ABI1: variants seen among roughly 807,000 people sequenced by gnomAD.
ABI1 encodes abl interactor 1.
Under a neutral mutation model 54.6 loss-of-function variants are expected in ABI1, and 14 were observed. The observed-to-expected ratio is 0.26, with a 90% CI of 0.17 to 0.40. The LOEUF (loss-of-function observed/expected upper bound fraction) is 0.40, where lower values mean the gene tolerates loss of function less well. ABI1 is among the 10% of genes least tolerant of loss of function. The pLI is 1.00. For missense variants in ABI1, 443 were observed against 598.3 expected, an observed-to-expected ratio of 0.74 and a Z score of 2.71; for synonymous variants, 194 against 209.3, an observed-to-expected ratio of 0.93 and a Z score of 0.63.
At chr10:26,857,455 A>G (rs1317893684) in intron 1 of ABI1, among the ~76,000 whole-genome samples, 1 of 151,704 alleles carries the variant, frequency 6.6e-6, no homozygotes, top group East Asian at 1.9e-4. Context: ...AGCCTAGGCA[A>G]CATGGCAAAA....
intron 2 of ABI1, among the ~76,000 whole-genome samples, chr10:26,778,342 A>G (rs545329022): frequency 6.6e-6 from 1 of 152,282 alleles, no homozygotes; most frequent in South Asian, 2.1e-4. Context: ...ACAAATTTAA[A>G]TTGAGTGACA....
At chr10:26,853,234 C>CAA (rs35205764) in intron 1 of ABI1, among the ~76,000 whole-genome samples, 8,222 of 85,264 alleles carry the variant, frequency 0.096, 609 homozygotes, top group East Asian at 0.18. Context: ...GACTCCATCT[C>CAA]AAAAAAAAAA....
intron 8 of ABI1, among the ~76,000 whole-genome samples, chr10:26,756,722 G>A (rs1838364216): frequency 6.6e-6 from 1 of 152,078 alleles, no homozygotes. Context: ...GAAAAAGTCA[G>A]TAGGACTAGA....
intron 1 of ABI1, among the ~76,000 whole-genome samples, chr10:26,840,317 T>C (rs913734703): frequency 7.9e-5 from 12 of 152,216 alleles, no homozygotes; most frequent in African/African-American, 2.9e-4. Context: ...GTCAGCTCCC[T>C]TCCCTTCAGC....
chr10:26,748,558 G>GAA lies in ABI1; in HGVS notation c.*10_*11dup. 2.3e-5 allele frequency: 28 copies of GAA among 1,240,116 alleles called. No homozygotes were observed. The highest frequency in any genetic ancestry group is 6.4e-5 in the Admixed American group (3 of 47,184). The allele number at this position is 1,240,116 out of a possible 1,614,324, so 76.8% of individuals were successfully genotyped here. ...TGAGTAATAAGAATCTACTTCAAAA[G>GAA]AAAAAAAAAAATTAATCAGTATAGT... On this transcript the variant is annotated 3_prime_UTR_variant, in exon 11 of 11. Coordinates refer to ENST00000376140, the MANE Select transcript of ABI1 (RefSeq NM_001012750.3).
chr10:26,794,633 C>T (rs1490106007), intron 2 of ABI1, among the ~76,000 whole-genome samples: 4 of 151,282 alleles, frequency 2.6e-5, no homozygotes, highest in African/African-American at 4.9e-5. Context: ...ATCAACTTCA[C>T]ACAGTTACTG....
chr10:26,818,362 T>G (rs972171116), intron 2 of ABI1, among the ~76,000 whole-genome samples: 2 of 151,526 alleles, frequency 1.3e-5, no homozygotes, highest in African/African-American at 2.4e-5. Context: ...CTCATGTCTG[T>G]AATCCCAGCA....
At chr10:26,772,792 C>G (rs1207019349) in intron 3 of ABI1, among the ~76,000 whole-genome samples, 1 of 151,986 alleles carries the variant, frequency 6.6e-6, no homozygotes, top group Admixed American at 6.6e-5. Context: ...TCATTTCAGG[C>G]TAGGCACGGT....
chr10:26,825,796 G>A (rs2048272249), intron 1 of ABI1, among the ~76,000 whole-genome samples: 1 of 152,216 alleles, frequency 6.6e-6, no homozygotes, highest in African/African-American at 2.4e-5. Context: ...TTCAGCAGGA[G>A]TAGATTCTAT....
Position 26,823,168 on chromosome 10 carries a change from T to G in ABI1, c.255A>C (p.Arg85Ser). The change falls in exon 2 of 11, where the codon AGA becomes AGC. Residue 85 changes from arginine (R) to serine (S), a missense_variant. Physicochemically the swap from Arg to Ser is moderately radical, Grantham distance 110. Transcript: ENST00000376140. ...AGATATGATTGATGGAAGACTCCAT[T>G]CTCCGAAGCTGAGAGGCTTGGATAT... is the stretch of plus-strand genomic sequence containing the variant. ...LLDIQASQLR[R>S]MESSINHISQ... 1 of 1,598,504 alleles carries G rather than the reference T, an allele frequency of 6.3e-7. No homozygotes were observed. Among genetic ancestry groups the G allele is most frequent in the East Asian group, 2.3e-5 (1 of 44,366 alleles).
chr10:26,764,045 G>T, intron 7 of ABI1: 1 of 1,037,410 alleles, frequency 9.6e-7, no homozygotes, highest in Non-Finnish European at 1.4e-6. Context: ...CAATGTATCG[G>T]GAAGAAAAAG....
In ABI1 at chr10:26,823,201, C is replaced by T. The variant is rs773737989; in HGVS notation, c.222G>A (p.Gln74=). The T allele has an allele frequency of 6.2e-7, 1 of 1,605,966 alleles. No individual in the cohort carries two copies. Among genetic ancestry groups the T allele is most frequent in the Non-Finnish European group, 8.5e-7 (1 of 1,177,376 alleles). The change falls in exon 2 of 11, where the codon CAG becomes CAA. Residue 74 remains glutamine (Q), a synonymous_variant. Transcript: ENST00000376140. ...QINALANNVL[Q]LLDIQASQLR... is the part of the protein sequence containing the mutation. The stretch of plus-strand genomic sequence containing the variant: ...GCTGAGAGGCTTGGATATCCAGCAA[C>T]TGGAGTACATTGTTGGCCAATGCAT...
intron 2 of ABI1, among the ~76,000 whole-genome samples, chr10:26,805,724 C>A (rs767744804): frequency 2.0e-5 from 3 of 152,178 alleles, no homozygotes; most frequent in Admixed American, 2.0e-4. Context: ...GGGCATATCA[C>A]GTCAGTCTGC....
At chr10:26,847,029 TA>T (rs57267264) in intron 1 of ABI1, among the ~76,000 whole-genome samples, 38,822 of 152,000 alleles carry the variant, frequency 0.26, 5,618 homozygotes, top group South Asian at 0.44. Context: ...AGGCCAACTA[TA>T]AAATCACTTG....
At chr10:26,830,956 G>A (rs902909928) in intron 1 of ABI1, among the ~76,000 whole-genome samples, 10 of 152,054 alleles carry the variant, frequency 6.6e-5, no homozygotes, top group African/African-American at 2.4e-4. Flanking sequence ...GAATGCAGTG[G>A]CACGATCATA....
chr10:26,767,442 G>A (rs1353869365), intron 6 of ABI1, among the ~76,000 whole-genome samples: 1 of 152,140 alleles, frequency 6.6e-6, no homozygotes, highest in East Asian at 1.9e-4. Flanking sequence ...GTTATTAAGT[G>A]AGAGAGAAAA....
In ABI1 at chr10:26,756,615, C is replaced by G. The variant is rs187313214; in HGVS notation, c.998-874G>C. On this transcript the variant is annotated intron_variant, in intron 8 of 10. Transcript: ENST00000376140. ...TGACAGGAAATTAATACCAAATACTCATGTATTAAAAATTATAACATACAC... is the reference window on the plus strand; with the variant it reads ...TGACAGGAAATTAATACCAAATACTGATGTATTAAAAATTATAACATACAC... 2.6e-3 allele frequency among the ~76,000 whole-genome samples: 401 copies of G among 152,232 alleles called. 2 individuals are homozygous for G. The highest frequency in any genetic ancestry group is 4.5e-3 in the Non-Finnish European group (305 of 67,960).
intron 7 of ABI1, chr10:26,764,061 A>T: frequency 1.2e-6 from 1 of 822,326 alleles, no homozygotes; most frequent in Non-Finnish European, 1.8e-6. Flanking sequence ...AAAAGAAAAA[A>T]GATACCCCCA....
At chr10:26,804,263 G>C (rs1337463160) in intron 2 of ABI1, among the ~76,000 whole-genome samples, 3 of 151,822 alleles carry the variant, frequency 2.0e-5, no homozygotes, top group African/African-American at 4.8e-5. Flanking sequence ...CATGTCTGTA[G>C]TCCCAGCTAC....
Sources: gnomAD v4.1 joint callset for allele counts (sites outside exome capture counted in the v4.1 genomes callset) on GRCh38, gnomAD v4.1.1 for gene constraint, MANE v1.5 for transcripts, NCBI Gene and HGNC (gene_info 2026-07-23, HGNC 2026-07-21) for gene names.